TMEM45B: variants seen among roughly 807,000 people sequenced by gnomAD.
TMEM45B encodes transmembrane protein 45B.
In TMEM45B, 29 loss-of-function variants were observed where a neutral mutation model predicts 27.3. That is an observed-to-expected ratio of 1.06 (90% CI 0.79 to 1.45). The LOEUF is 1.45. Ranked by LOEUF, TMEM45B falls within the 40% of genes most tolerant of loss-of-function variation. The pLI is 0.00. For synonymous variants in TMEM45B, 143 were observed against 134.7 expected (o/e 1.06, Z -0.43); for missense variants, 348 against 343.9 (o/e 1.01, Z -0.09).
chr11:129,856,733 G>C (rs910960136), intron 4 of TMEM45B, among the ~76,000 whole-genome samples: 3 of 150,800 alleles, frequency 2.0e-5, no homozygotes, highest in Non-Finnish European at 4.4e-5. Context: ...CTAATTTTTT[G>C]TATTTTTAGT....
At chr11:129,816,732 CTTTTTTT>C (rs869217352) in intron 1 of TMEM45B, among the ~76,000 whole-genome samples, 3 of 79,760 alleles carry the variant, frequency 3.8e-5, no homozygotes, top group Non-Finnish European at 6.7e-5. Context: ...ATGGCCACTT[CTTTTTTT>C]TTTTTTTTTT....
chr11:129,824,931 G>A (rs1309564088), intron 1 of TMEM45B, among the ~76,000 whole-genome samples: 1 of 152,140 alleles, frequency 6.6e-6, no homozygotes, highest in Non-Finnish European at 1.5e-5. Context: ...GGGACAACAT[G>A]AGCAAAGGGG....
intron 1 of TMEM45B, among the ~76,000 whole-genome samples, chr11:129,835,085 A>C (rs1003517143): frequency 6.6e-6 from 1 of 152,214 alleles, no homozygotes. Flanking sequence ...TTCTAAGCAA[A>C]GTACTGAAGG....
chr11:129,857,735 GA>G (rs1947951158), intron 5 of TMEM45B, among the ~76,000 whole-genome samples: 2 of 152,196 alleles, frequency 1.3e-5, no homozygotes, highest in Non-Finnish European at 1.5e-5. Context: ...GGGGAATACT[GA>G]AATGGGAATC....
intron 1 of TMEM45B, among the ~76,000 whole-genome samples, chr11:129,825,070 T>A (rs11221863): frequency 0.3 from 46,202 of 151,944 alleles, 7,199 homozygotes; most frequent in South Asian, 0.35. Context: ...ACATTTTCCA[T>A]CCTCCAGTAG....
At chr11:129,839,197 C>T (rs1433651304) in intron 1 of TMEM45B, among the ~76,000 whole-genome samples, 1 of 152,122 alleles carries the variant, frequency 6.6e-6, no homozygotes, top group African/African-American at 2.4e-5. Flanking sequence ...GGAACAGTTG[C>T]CCAAACCTCC....
At chr11:129,855,107 TCA>T (rs1226805910) in intron 3 of TMEM45B, among the ~76,000 whole-genome samples, 4 of 152,108 alleles carry the variant, frequency 2.6e-5, no homozygotes, top group Non-Finnish European at 4.4e-5. Flanking sequence ...CAGCCCCTGC[TCA>T]CACACGTGCA....
At chr11:129,851,458 C>T (rs947235587) in intron 1 of TMEM45B, among the ~76,000 whole-genome samples, 17 of 143,276 alleles carry the variant, frequency 1.2e-4, no homozygotes, top group Non-Finnish European at 2.0e-4. Context: ...GCAGGAGAAT[C>T]GCTTGAACCT....
In TMEM45B at chr11:129,855,818, A is replaced by G. The variant is rs959880355; in HGVS notation, c.496A>G (p.Ile166Val). ...GTGTGTTAGTATCTCCCTAGAGGTG[A>G]TCTTCCGGGACCACATTGTGCTGGA... is the stretch of plus-strand genomic sequence containing the variant. Reference protein sequence around the residue: ...GGCVSISLEVIFRDHIVLELF... With the variant: ...GGCVSISLEVVFRDHIVLELF... The change falls in exon 4 of 6, where the codon ATC (isoleucine) becomes GTC (valine). Residue 166 changes from isoleucine to valine, a missense_variant. Transcript: ENST00000281441. 6.2e-7 allele frequency: 1 copy of G among 1,613,946 alleles called. No homozygotes were observed. The highest frequency in any genetic ancestry group is 1.3e-5 in the African/African-American group (1 of 74,882).
chr11:129,822,162 C>T (rs1458179274), intron 1 of TMEM45B, among the ~76,000 whole-genome samples: 3 of 152,058 alleles, frequency 2.0e-5, no homozygotes, highest in Non-Finnish European at 4.4e-5. Context: ...TTCTCAGGAG[C>T]TTTTATTGGC....
chr11:129,832,488 A>G (rs557745501), intron 1 of TMEM45B, among the ~76,000 whole-genome samples: 1 of 152,308 alleles, frequency 6.6e-6, no homozygotes, highest in South Asian at 2.1e-4. Context: ...TAAACTGTCT[A>G]AATTAGGCAA....
At chr11:129,852,059 C>G (rs996031817) in intron 1 of TMEM45B, among the ~76,000 whole-genome samples, 1 of 152,200 alleles carries the variant, frequency 6.6e-6, no homozygotes, top group Non-Finnish European at 1.5e-5. Context: ...TAATAGCCAA[C>G]TGCTACAAGC....
At chr11:129,828,917 T>A (rs1947517232) in intron 1 of TMEM45B, among the ~76,000 whole-genome samples, 1 of 152,232 alleles carries the variant, frequency 6.6e-6, no homozygotes, top group South Asian at 2.1e-4. Flanking sequence ...GGTCAAAATA[T>A]GTTCTTCTAG....
chr11:129,854,770 C>G lies in TMEM45B; in HGVS notation c.339C>G (p.Pro113=). ...TCACCTATCTGGTCAGCCACGTTCC[C>G]TTGGGGGTGGACAGACTGGTTATGG... is the stretch of plus-strand genomic sequence containing the variant. ...DMLTYLVSHV[P]LGVDRLVMAV... Residue 113 remains proline, a synonymous_variant, in exon 3 of 6, where the codon CCC becomes CCG. Transcript: ENST00000281441. The G allele has an allele frequency of 6.2e-7, 1 of 1,614,124 alleles. No homozygotes were observed. The highest frequency in any genetic ancestry group is 8.5e-7 in the Non-Finnish European group (1 of 1,180,036).
chr11:129,837,727 C>A (rs1251781124), intron 1 of TMEM45B, among the ~76,000 whole-genome samples: 1 of 139,872 alleles, frequency 7.1e-6, no homozygotes, highest in Non-Finnish European at 1.6e-5. Context: ...TTTTTTTTTT[C>A]TTTTCTTTTT....
intron 1 of TMEM45B, among the ~76,000 whole-genome samples, chr11:129,832,460 T>C (rs534288960): frequency 7.2e-5 from 11 of 152,180 alleles, no homozygotes; most frequent in African/African-American, 2.6e-4. Context: ...GGCTGCCTCT[T>C]GTATGATTTA....
At chr11:129,855,362 A>G (rs74448997) in intron 3 of TMEM45B, among the ~76,000 whole-genome samples, 1,779 of 151,908 alleles carry the variant, frequency 0.012, 14 homozygotes, top group Middle Eastern at 0.034. Flanking sequence ...TTTGTCATCT[A>G]ACAACCTCAC....
chr11:129,820,800 G>T (rs1207466150), intron 1 of TMEM45B, among the ~76,000 whole-genome samples: 6 of 152,164 alleles, frequency 3.9e-5, no homozygotes, highest in African/African-American at 1.4e-4. Context: ...GTCGTTCATT[G>T]TAGAAGGTTT....
chr11:129,829,338 A>G (rs1947521776), intron 1 of TMEM45B, among the ~76,000 whole-genome samples: 1 of 152,232 alleles, frequency 6.6e-6, no homozygotes, highest in Non-Finnish European at 1.5e-5. Context: ...CCTCAGGCCC[A>G]TGTGTGAGTT....
Sources: allele counts gnomAD v4.1 joint callset (sites outside exome capture counted in the v4.1 genomes callset), GRCh38; gene constraint gnomAD v4.1.1; transcripts MANE v1.5; gene names NCBI Gene and HGNC (gene_info 2026-07-23, HGNC 2026-07-21).